The following GRM8 variants were observed in gnomAD, a reference collection of about 807,000 sequenced individuals.
The protein encoded by GRM8 is glutamate metabotropic receptor 8.
A neutral mutation model predicts 87.2 loss-of-function variants in GRM8; 47 were observed. The ratio of observed to expected loss-of-function variants is 0.54; its 90% CI spans 0.43 to 0.69. The LOEUF (loss-of-function observed/expected upper bound fraction) is 0.69. Ranked by LOEUF, GRM8 falls within the 30% of genes least tolerant of loss-of-function variation. The pLI is 0.00. For synonymous variants in GRM8, 396 were observed against 404.5 expected, an observed-to-expected ratio of 0.98 and a Z score of 0.25; for missense variants, 1,019 against 1,139.2, an observed-to-expected ratio of 0.89 and a Z score of 1.52.
chr7:127,015,262 AAGAG>A (rs111707931), intron 3 of GRM8, among the ~76,000 whole-genome samples: 2,873 of 106,778 alleles, frequency 0.027, 121 homozygotes, highest in Middle Eastern at 0.055. Flanking sequence ...AGAAGAAGAA[AAGAG>A]AGAGAGAGAG....
At chr7:127,111,133 T>G (rs1223470201) in intron 2 of GRM8, 3 of 152,158 alleles carry the variant, frequency 2.0e-5, no homozygotes, top group Admixed American at 1.3e-4. Context: ...CAAGCTGAAT[T>G]ATCTCGAACG....
At chr7:127,131,954 T>C (rs1477930906) in intron 2 of GRM8, among the ~76,000 whole-genome samples, 1 of 152,256 alleles carries the variant, frequency 6.6e-6, no homozygotes, top group African/African-American at 2.4e-5. Flanking sequence ...TTTATAACTC[T>C]AATAACATTT....
At chr7:126,890,194 T>A (rs1046978550) in intron 6 of GRM8, among the ~76,000 whole-genome samples, 12 of 152,140 alleles carry the variant, frequency 7.9e-5, no homozygotes, top group African/African-American at 2.9e-4. Flanking sequence ...AAAAACCTTC[T>A]TCACCTCAGA....
intron 9 of GRM8, among the ~76,000 whole-genome samples, chr7:126,492,473 T>C (rs1490486890): frequency 5.9e-5 from 9 of 152,148 alleles, no homozygotes; most frequent in Middle Eastern, 3.4e-3. Context: ...AACTTTAAGA[T>C]AGAAAGGAAA....
At chr7:127,092,079 T>A (rs544421344) in intron 3 of GRM8, among the ~76,000 whole-genome samples, 88 of 124,048 alleles carry the variant, frequency 7.1e-4, no homozygotes, top group African/African-American at 2.5e-3. Flanking sequence ...CATCACCCCA[T>A]CCCACTGGTC....
chr7:126,455,567 C>T (rs1333443849), intron 9 of GRM8, among the ~76,000 whole-genome samples: 1 of 151,764 alleles, frequency 6.6e-6, no homozygotes, highest in Non-Finnish European at 1.5e-5. Context: ...TAGAACAGCT[C>T]TGGCTTTCTT....
chr7:126,573,259 A>G (rs930165457), intron 8 of GRM8, among the ~76,000 whole-genome samples: 11 of 152,326 alleles, frequency 7.2e-5, no homozygotes, highest in African/African-American at 2.4e-4. Context: ...TATTATTCTC[A>G]CAGGATAGAA....
In GRM8 at chr7:127,075,648, G is replaced by A. The variant is rs889381248; in HGVS notation, c.727+30848C>T. ...TGTGGAGGGAGTAGTAGTGGCCTACGAAGCCAGCCAAGAAGCTGTTGAATC... is the reference window on the plus strand; with the variant it reads ...TGTGGAGGGAGTAGTAGTGGCCTACAAAGCCAGCCAAGAAGCTGTTGAATC... On this transcript the variant is annotated intron_variant, in intron 3 of 10. Coordinates refer to ENST00000339582, the MANE Select transcript of GRM8 (RefSeq NM_000845.3). Among the ~76,000 whole-genome samples, 3 of 152,182 alleles carry A rather than the reference G, an allele frequency of 2.0e-5. No homozygotes were observed. In the East Asian group the frequency reaches 5.8e-4, roughly 30 times the overall value.
intron 9 of GRM8, among the ~76,000 whole-genome samples, chr7:126,515,366 T>C (rs914637091): frequency 1.3e-5 from 2 of 152,128 alleles, no homozygotes. Context: ...AAGATAATCT[T>C]AAGGGATTGT....
chr7:127,125,515 A>G (rs892475573), intron 2 of GRM8, among the ~76,000 whole-genome samples: 14 of 152,040 alleles, frequency 9.2e-5, no homozygotes, highest in Non-Finnish European at 2.1e-4. Flanking sequence ...CAAAAATACT[A>G]GAAGAAAATC....
At chr7:126,932,186 T>C (rs573989213) in intron 3 of GRM8, among the ~76,000 whole-genome samples, 1 of 152,176 alleles carries the variant, frequency 6.6e-6, no homozygotes, top group Non-Finnish European at 1.5e-5. Context: ...TTTGTTTAGT[T>C]TGCCTTTGCT....
chr7:126,488,601 T>C (rs918788435), intron 9 of GRM8, among the ~76,000 whole-genome samples: 4 of 152,022 alleles, frequency 2.6e-5, no homozygotes, highest in African/African-American at 7.2e-5. Flanking sequence ...ATTTACAATA[T>C]ATAAATCATT....
intron 7 of GRM8, among the ~76,000 whole-genome samples, chr7:126,722,886 G>T (rs1262395370): frequency 9.0e-5 from 7 of 77,714 alleles, no homozygotes; most frequent in African/African-American, 6.1e-4. Flanking sequence ...CTGAGAGCCT[G>T]TGAAAAAAAA....
At chr7:126,636,367 TA>T (rs1396132562) in intron 7 of GRM8, among the ~76,000 whole-genome samples, 18 of 152,210 alleles carry the variant, frequency 1.2e-4, no homozygotes, top group African/African-American at 4.1e-4. Flanking sequence ...GTTCCCGATA[TA>T]AAATGGCATA....
Position 127,176,963 on chromosome 7 carries a change from C to T in GRM8, c.510+65732G>A, listed in dbSNP as rs147022025. Among the ~76,000 whole-genome samples the T allele has an allele frequency of 3.5e-3, 537 of 152,248 alleles. 3 individuals carry two copies. Among genetic ancestry groups the T allele is most frequent in the African/African-American group, 0.012 (501 of 41,542 alleles). On this transcript the variant is annotated intron_variant, in intron 2 of 10. Coordinates refer to ENST00000339582, the MANE Select transcript of GRM8 (RefSeq NM_000845.3). Reference sequence around the variant, plus strand: ...TCCACAGGAGGAAGAAAATCTCTAGCTGAACTTTGTAACAATTTGAAGGGT... The same window carrying T: ...TCCACAGGAGGAAGAAAATCTCTAGTTGAACTTTGTAACAATTTGAAGGGT...
At chr7:127,077,051 T>C (rs1202713983) in intron 3 of GRM8, among the ~76,000 whole-genome samples, 1 of 152,174 alleles carries the variant, frequency 6.6e-6, no homozygotes, top group East Asian at 1.9e-4. Flanking sequence ...TCTCCCTTTA[T>C]AGCCTTCGTT....
At chr7:126,795,803 C>T (rs570660363) in intron 6 of GRM8, among the ~76,000 whole-genome samples, 1 of 151,620 alleles carries the variant, frequency 6.6e-6, no homozygotes, top group Non-Finnish European at 1.5e-5. Context: ...ATTAAGTTTA[C>T]TGGATGTATG....
At chr7:126,864,783 C>G (rs770390137) in intron 6 of GRM8, among the ~76,000 whole-genome samples, 1 of 151,916 alleles carries the variant, frequency 6.6e-6, no homozygotes, top group Non-Finnish European at 1.5e-5. Flanking sequence ...TTTGTTTTGG[C>G]AGTTGTTTTG....
At chr7:126,508,586 G>A (rs1174617346) in intron 9 of GRM8, among the ~76,000 whole-genome samples, 1 of 151,970 alleles carries the variant, frequency 6.6e-6, no homozygotes, top group Admixed American at 6.6e-5. Flanking sequence ...TTGTTTTAGT[G>A]CAGTAAAATT....
Sources: gnomAD v4.1 joint callset for allele counts (sites outside exome capture counted in the v4.1 genomes callset) on GRCh38, gnomAD v4.1.1 for gene constraint, MANE v1.5 for transcripts, NCBI Gene and HGNC (gene_info 2026-07-23, HGNC 2026-07-21) for gene names.